Variants in BLM observed in about 807,000 individuals in gnomAD.
BLM encodes the protein BLM RecQ like helicase, also known as recQ-like DNA helicase BLM.
BLM carries 95 observed loss-of-function variants against 135.3 expected under a neutral mutation model. The observed-to-expected ratio is 0.70, with a 90% CI of 0.59 to 0.83. The LOEUF (loss-of-function observed/expected upper bound fraction) is 0.83. BLM is among the 40% of genes least tolerant of loss of function. The pLI is 0.00. For synonymous variants in BLM, 520 were observed against 589.2 expected (o/e 0.88, Z 1.70); for missense variants, 1,518 against 1,663.9 (o/e 0.91, Z 1.53).
In BLM at chr15:90,751,812, G is replaced by C. The variant is rs1386158170; in HGVS notation, c.825G>C (p.Leu275Phe). The C allele has an allele frequency of 6.2e-7, 1 of 1,612,396 alleles. No homozygotes were observed. Among genetic ancestry groups the C allele is most frequent in the Admixed American group, 1.7e-5 (1 of 59,996 alleles). The change falls in exon 4 of 22, where the codon TTG becomes TTC. Residue 275 changes from leucine (L) to phenylalanine (F), a missense_variant. By Grantham distance (22) the Leu-to-Phe change is conservative. This residue lies in a region of BLM where 724 missense variants were observed against 756.9 expected (regional missense o/e 0.96). Coordinates refer to ENST00000355112, the MANE Select transcript of BLM (RefSeq NM_000057.4). ...ATAATAGCGAAAAGAAGAAGAATTTGGAAGAAGCTGAATTACATTCAACTG... is the reference window on the plus strand; with the variant it reads ...ATAATAGCGAAAAGAAGAAGAATTTCGAAGAAGCTGAATTACATTCAACTG... Reference protein sequence around the residue: ...ERDNSEKKKNLEEAELHSTEK... With the variant: ...ERDNSEKKKNFEEAELHSTEK...
At position 90,723,888 on chromosome 15, in the gene BLM, G is replaced by A. The variant is rs542028898; in HGVS notation, c.-5+6448G>A. On this transcript the variant is annotated intron_variant, in intron 1 of 21. Transcript: ENST00000355112. ...CCTATTTTAGATACCTCGTTGCAGT[G>A]GAATCATGTAGTATTTGTCCTGTGA... is the stretch of plus-strand genomic sequence containing the variant. Among the ~76,000 whole-genome samples the A allele has an allele frequency of 1.4e-4, 22 of 152,068 alleles. No individual in the cohort carries two copies. The South Asian group carries it at 4.6e-3, about 32-fold the overall frequency.
intron 21 of BLM, among the ~76,000 whole-genome samples, chr15:90,814,523 G>A (rs746244178): frequency 6.6e-6 from 1 of 152,168 alleles, no homozygotes; most frequent in Non-Finnish European, 1.5e-5. Flanking sequence ...CCAGGGAGCT[G>A]CTGGACACGG....
rs1334356270 is a variant in BLM at position 90,809,122 on chromosome 15, T to G, written c.3752-15T>G. ...GGGTGATAATTTAAATTCCTAATTT[T>G]ATGCCTTTGCACAGAATCTTTATCT... On this transcript the variant is annotated splice_polypyrimidine_tract_variant and intron_variant, in intron 19 of 21. Transcript: ENST00000355112. 2 of 1,614,138 alleles carry G rather than the reference T, an allele frequency of 1.2e-6. No individual in the cohort carries two copies. The highest frequency in any genetic ancestry group is 1.7e-6 in the Non-Finnish European group (2 of 1,179,918).
intron 1 of BLM, among the ~76,000 whole-genome samples, chr15:90,726,457 G>A (rs1157024703): frequency 1.3e-5 from 2 of 152,030 alleles, no homozygotes; most frequent in Non-Finnish European, 2.9e-5. Flanking sequence ...TAGTAGAGAC[G>A]GGGTTTCTCC....
chr15:90,770,538 G>C (rs1896285386), intron 12 of BLM, among the ~76,000 whole-genome samples: 1 of 152,214 alleles, frequency 6.6e-6, no homozygotes, highest in Admixed American at 6.5e-5. Flanking sequence ...AGTTTGTAGA[G>C]ATATGGATTC....
At chr15:90,789,777 AT>A (rs1174830596) in intron 14 of BLM, among the ~76,000 whole-genome samples, 1 of 151,974 alleles carries the variant, frequency 6.6e-6, no homozygotes, top group Non-Finnish European at 1.5e-5. Context: ...GTAGCAATTC[AT>A]TTTTTTAAGT....
intron 1 of BLM, among the ~76,000 whole-genome samples, chr15:90,744,840 A>G (rs1329912369): frequency 6.6e-6 from 1 of 152,040 alleles, no homozygotes; most frequent in Non-Finnish European, 1.5e-5. Flanking sequence ...CCTTGAGCAC[A>G]GGAGTTCGAG....
At chr15:90,795,555 C>T (rs987270373) in intron 16 of BLM, among the ~76,000 whole-genome samples, 1 of 152,160 alleles carries the variant, frequency 6.6e-6, no homozygotes, top group South Asian at 2.1e-4. Flanking sequence ...AGGGTAGTCT[C>T]TCTCAGTGTG....
intron 14 of BLM, among the ~76,000 whole-genome samples, chr15:90,787,178 T>A (rs923601855): frequency 6.7e-6 from 1 of 149,658 alleles, no homozygotes; most frequent in Non-Finnish European, 1.5e-5. Context: ...GCCTCCCGAG[T>A]AGCTGGGACT....
intron 1 of BLM, among the ~76,000 whole-genome samples, chr15:90,732,318 A>G (rs138807637): frequency 1.2e-4 from 18 of 152,288 alleles, no homozygotes; most frequent in Non-Finnish European, 2.2e-4. Flanking sequence ...GAATTAGTGC[A>G]GTATATCATC....
chr15:90,798,402 A>G, intron 17 of BLM, 65 bp downstream of exon 17: 1 of 1,524,898 alleles, frequency 6.6e-7, no homozygotes, highest in Admixed American at 1.9e-5. Flanking sequence ...AGAATTTATT[A>G]CAAGTACATA....
chr15:90,753,437 A>G (rs1425590102), intron 4 of BLM, among the ~76,000 whole-genome samples: 1 of 152,202 alleles, frequency 6.6e-6, no homozygotes. Context: ...ATTGCTACAT[A>G]TTTAATTCCT....
At chr15:90,782,750 A>G in intron 12 of BLM, 72 bp from the exon 13 acceptor site, 1 of 1,158,492 alleles carries the variant, frequency 8.6e-7, no homozygotes, top group South Asian at 1.3e-5. Context: ...GGGGGGACAC[A>G]TGTAGTCTAT....
intron 6 of BLM, 121 bp from the exon 7 acceptor site, chr15:90,760,473 G>A: frequency 7.7e-7 from 1 of 1,298,388 alleles, no homozygotes. Context: ...TTTAAGATTG[G>A]GAAAAAAGCG....
intron 14 of BLM, among the ~76,000 whole-genome samples, chr15:90,787,936 C>A (rs1490274905): frequency 7.0e-6 from 1 of 142,520 alleles, no homozygotes. Context: ...GGAAACAGAA[C>A]AAGACTCTAT....
chr15:90,815,130 T>G lies in BLM; in HGVS notation c.4105T>G (p.Ser1369Ala). Residue 1369 changes from serine (S) to alanine (A), a missense_variant, in exon 22 of 22, where the codon TCC becomes GCC. By Grantham distance (99) the Ser-to-Ala change is moderately conservative. This residue lies in a region of BLM where 153 missense variants were observed against 173.4 expected (regional missense o/e 0.88). Coordinates refer to ENST00000355112, the MANE Select transcript of BLM (RefSeq NM_000057.4). The surrounding 1 kb of genome is among the most constrained non-coding windows in gnomAD (Gnocchi z 4.6). ...GGSATCRKISSKTKSSSIIGS... is the reference protein window; with the variant it reads ...GGSATCRKISAKTKSSSIIGS... ...GTCTGCCACATGTAGAAAGATATCTTCCAAAACGAAATCCTCCAGCATCAT... is the reference window on the plus strand; with the variant it reads ...GTCTGCCACATGTAGAAAGATATCTGCCAAAACGAAATCCTCCAGCATCAT... The G allele has an allele frequency of 6.2e-7, 1 of 1,614,134 alleles. No homozygotes were observed. Among genetic ancestry groups the G allele is most frequent in the Non-Finnish European group, 8.5e-7 (1 of 1,180,028 alleles).
Position 90,769,251 on chromosome 15 carries a change from TC to T in BLM, c.2406+22del. ...AGTCAGGTAAATACTGTTTTTTATA[TC>T]CGGAAATACCGATAAATACATACTA... On this transcript the variant is annotated intron_variant, in intron 11 of 21. Transcript: ENST00000355112. 1 of 1,584,448 alleles carries T rather than the reference TC, an allele frequency of 6.3e-7. No homozygotes were observed. The highest frequency in any genetic ancestry group is 8.7e-7 in the Non-Finnish European group (1 of 1,153,020).
intron 12 of BLM, among the ~76,000 whole-genome samples, chr15:90,780,882 A>C (rs191085867): frequency 6.6e-6 from 1 of 152,350 alleles, no homozygotes; most frequent in East Asian, 1.9e-4. Context: ...AGTGTGCAGG[A>C]GGATGTGCAT....
At position 90,766,897 on chromosome 15, in the gene BLM, C is replaced by G; in HGVS notation, c.2194-13C>G. The G allele has an allele frequency of 6.6e-7, 1 of 1,511,356 alleles. No homozygotes were observed. The highest frequency in any genetic ancestry group is 9.2e-7 in the Non-Finnish European group (1 of 1,088,504). The allele number at this position is 1,511,356 out of a possible 1,614,324, so 93.6% of individuals were successfully genotyped here. ...TGTATAAAATTGAAATTGTTTACTA[C>G]TTTTATACTTAGATTCCAGCTACAT... On this transcript the variant is annotated splice_polypyrimidine_tract_variant and intron_variant, in intron 9 of 21. Transcript: ENST00000355112.
Sources: gnomAD v4.1 joint callset for allele counts (sites outside exome capture counted in the v4.1 genomes callset) on GRCh38, gnomAD v4.1.1 for gene constraint, gnomAD v4.1.1 regional missense constraint, Gnocchi (gnomAD v3.1) non-coding constraint, MANE v1.5 for transcripts, NCBI Gene and HGNC (gene_info 2026-07-23, HGNC 2026-07-21) for gene names.